Variants in AFAP1 observed in about 807,000 individuals in gnomAD.
The protein encoded by AFAP1 is actin filament associated protein 1, also known as actin filament-associated protein 1.
Under a neutral mutation model 93.9 loss-of-function variants are expected in AFAP1, and 75 were observed. The observed-to-expected ratio is 0.80, with a 90% confidence interval of 0.66 to 0.97. The LOEUF is 0.97. Ranked by LOEUF, AFAP1 falls within the 50% of genes least tolerant of loss-of-function variation. The pLI, the probability that AFAP1 is intolerant of heterozygous loss-of-function variation, is 0.00. For synonymous variants in AFAP1, 517 were observed against 430.7 expected, an observed-to-expected ratio of 1.20 and a Z score of -2.48; for missense variants, 1,201 against 1,050.8, an observed-to-expected ratio of 1.14 and a Z score of -1.98.
At chr4:7,926,075 G>C (rs1425088720) in intron 1 of AFAP1, among the ~76,000 whole-genome samples, 1 of 152,166 alleles carries the variant, frequency 6.6e-6, no homozygotes, top group South Asian at 2.1e-4. Context: ...CGAGAAAAAG[G>C]CTGTTGATCC....
intron 16 of AFAP1, among the ~76,000 whole-genome samples, chr4:7,770,310 A>T (rs1658282782): frequency 6.6e-6 from 1 of 152,186 alleles, no homozygotes; most frequent in Non-Finnish European, 1.5e-5. Context: ...ATGTGGAGCC[A>T]CCATAGAAGA....
intron 1 of AFAP1, among the ~76,000 whole-genome samples, chr4:7,881,357 T>C (rs1717834215): frequency 6.6e-6 from 1 of 151,640 alleles, no homozygotes; most frequent in African/African-American, 2.4e-5. Context: ...CCCTGACCTC[T>C]CCTCACCCCT....
In AFAP1 at chr4:7,768,994, CCGGA is replaced by C. The variant is rs764771233; in HGVS notation, c.2264_2267del (p.Phe755CysfsTer24). The stretch of plus-strand genomic sequence containing the variant: ...TGGGCGAGTTTTCCAGGGTCCGGTG[CCGGA>C]ACACTGGAGACTTAACGGAGAGAGA... On this transcript the variant is annotated frameshift_variant, in exon 17 of 18. Transcript: ENST00000420658. LOFTEE classifies it high-confidence loss of function. 1 of 1,612,136 alleles carries C rather than the reference CCGGA, an allele frequency of 6.2e-7. No individual in the cohort carries two copies. Among genetic ancestry groups the C allele is most frequent in the Non-Finnish European group, 8.5e-7 (1 of 1,178,708 alleles).
chr4:7,852,232 G>C (rs1020887533), intron 4 of AFAP1, among the ~76,000 whole-genome samples: 57 of 152,158 alleles, frequency 3.7e-4, no homozygotes, highest in African/African-American at 1.2e-3. Context: ...TGAAACGAGA[G>C]GAGCCTCCTC....
intron 6 of AFAP1, among the ~76,000 whole-genome samples, chr4:7,833,251 T>A (rs752816466): frequency 6.6e-6 from 1 of 152,018 alleles, no homozygotes; most frequent in Admixed American, 6.5e-5. Flanking sequence ...AATCTATATA[T>A]CCCACAAAGG....
At chr4:7,934,972 T>C (rs1460617838) in intron 1 of AFAP1, among the ~76,000 whole-genome samples, 1 of 152,216 alleles carries the variant, frequency 6.6e-6, no homozygotes, top group Admixed American at 6.5e-5. Flanking sequence ...ATATTAATGA[T>C]AACTGAAACA....
intron 17 of AFAP1, among the ~76,000 whole-genome samples, chr4:7,765,072 C>A (rs1456952104): frequency 2.6e-5 from 4 of 152,096 alleles, no homozygotes; most frequent in Non-Finnish European, 5.9e-5. Context: ...CCACTGCACT[C>A]GAGCGTGGTC....
intron 16 of AFAP1, among the ~76,000 whole-genome samples, chr4:7,771,071 C>T (rs1332909056): frequency 6.6e-6 from 1 of 152,266 alleles, no homozygotes; most frequent in Non-Finnish European, 1.5e-5. Context: ...CTCCTCAGCA[C>T]TGTTTCACTG....
At chr4:7,810,611 T>C (rs1426567483) in intron 8 of AFAP1, among the ~76,000 whole-genome samples, 4 of 152,174 alleles carry the variant, frequency 2.6e-5, no homozygotes, top group African/African-American at 4.8e-5. Flanking sequence ...TTCCAGCCCC[T>C]CATATTCGGT....
intron 9 of AFAP1, among the ~76,000 whole-genome samples, chr4:7,804,674 G>A (rs1719348657): frequency 1.3e-5 from 2 of 152,156 alleles, no homozygotes; most frequent in South Asian, 2.1e-4. Flanking sequence ...GAGTGGCCAC[G>A]TTTCCATGTA....
chr4:7,768,173 C>G (rs993375719), intron 17 of AFAP1, among the ~76,000 whole-genome samples: 5 of 152,264 alleles, frequency 3.3e-5, no homozygotes, highest in African/African-American at 1.2e-4. Context: ...CGGCCACACT[C>G]CTGTGGCTCC....
chr4:7,799,346 C>T, intron 10 of AFAP1, among the ~76,000 whole-genome samples: 1 of 151,540 alleles, frequency 6.6e-6, no homozygotes, highest in East Asian at 1.9e-4. Flanking sequence ...AAAAAAGCAG[C>T]CTCTATGAAA....
intron 3 of AFAP1, among the ~76,000 whole-genome samples, chr4:7,864,704 ATTC>A (rs1288987879): frequency 3.3e-5 from 5 of 152,198 alleles, no homozygotes; most frequent in African/African-American, 4.8e-5. Context: ...TGTTCTTTAA[ATTC>A]TTATTACCAT....
intron 7 of AFAP1, among the ~76,000 whole-genome samples, chr4:7,818,252 G>A (rs142934412): frequency 3.3e-5 from 5 of 152,264 alleles, no homozygotes; most frequent in African/African-American, 1.2e-4. Flanking sequence ...GGCTCTCCTG[G>A]GTCTCCGCCT....
chr4:7,791,963 G>T (rs1393096069), intron 11 of AFAP1, among the ~76,000 whole-genome samples: 1 of 152,132 alleles, frequency 6.6e-6, no homozygotes, highest in Admixed American at 6.5e-5. Flanking sequence ...GAACCAGAAA[G>T]TGGCAGAGTG....
intron 14 of AFAP1, 78 bp downstream of exon 14, chr4:7,778,684 G>A: frequency 7.1e-7 from 1 of 1,405,862 alleles, no homozygotes; most frequent in Non-Finnish European, 1.0e-6. Context: ...GGCACTCACG[G>A]GTGGGCAGGC....
chr4:7,889,024 T>G (rs1422255388), intron 1 of AFAP1, among the ~76,000 whole-genome samples: 4 of 151,968 alleles, frequency 2.6e-5, no homozygotes, highest in Non-Finnish European at 5.9e-5. Flanking sequence ...ACTCCTGACC[T>G]CAAGTGATCT....
At chr4:7,768,741 A>T in intron 17 of AFAP1, 103 bp downstream of exon 17, 1 of 1,352,070 alleles carries the variant, frequency 7.4e-7, no homozygotes, top group Middle Eastern at 2.8e-4. Context: ...TGCCAAGTGG[A>T]TGCAGTAGGA....
intron 1 of AFAP1, among the ~76,000 whole-genome samples, chr4:7,886,162 C>T (rs571755002): frequency 2.0e-5 from 3 of 152,266 alleles, no homozygotes; most frequent in Admixed American, 1.3e-4. Context: ...ATTATTTGAA[C>T]GACTGGATGA....
Sources: gnomAD v4.1 joint callset for allele counts (sites outside exome capture counted in the v4.1 genomes callset) on GRCh38, gnomAD v4.1.1 for gene constraint, MANE v1.5 for transcripts, NCBI Gene and HGNC (gene_info 2026-07-23, HGNC 2026-07-21) for gene names.